The following DPP10 variants were observed in gnomAD, a reference collection of about 807,000 sequenced individuals.
The protein encoded by DPP10 is inactive dipeptidyl peptidase 10.
Under a neutral mutation model 120.9 loss-of-function variants are expected in DPP10, and 33 were observed. That is an observed-to-expected ratio of 0.27 (90% CI 0.21 to 0.37). DPP10 has a LOEUF of 0.37. Among genes scored for constraint, DPP10 ranks in the 10% least tolerant of loss-of-function variants. The pLI, the probability that DPP10 is intolerant of heterozygous loss-of-function variation, is 1.00. For synonymous variants in DPP10, 337 were observed against 326.1 expected, an observed-to-expected ratio of 1.03 and a Z score of -0.36; for missense variants, 816 against 942.8, an observed-to-expected ratio of 0.87 and a Z score of 1.76.
At chr2:115,568,436 T>G (rs1017417722) in intron 5 of DPP10, among the ~76,000 whole-genome samples, 1 of 152,054 alleles carries the variant, frequency 6.6e-6, no homozygotes, top group Non-Finnish European at 1.5e-5. Context: ...TGAGCCAAGA[T>G]TGCGCCACTG....
chr2:115,649,384 C>T (rs1388018322), intron 5 of DPP10, among the ~76,000 whole-genome samples: 15 of 152,048 alleles, frequency 9.9e-5, no homozygotes, highest in East Asian at 1.9e-4. Context: ...ACATTAAACT[C>T]GTGAAATATA....
chr2:115,441,817 C>CTTTTTTTTTTTTTT (rs561102084), intron 3 of DPP10, among the ~76,000 whole-genome samples: 3 of 124,478 alleles, frequency 2.4e-5, no homozygotes, highest in African/African-American at 3.2e-5. Context: ...TTCTTTCTTT[C>CTTTTTTTTTTTTTT]TTTTTTTTTT....
At chr2:114,854,278 G>A (rs966162146) in intron 1 of DPP10, among the ~76,000 whole-genome samples, 1 of 152,130 alleles carries the variant, frequency 6.6e-6, no homozygotes, top group African/African-American at 2.4e-5. Flanking sequence ...TGTCAATAAT[G>A]TTAGATTTTA....
intron 1 of DPP10, among the ~76,000 whole-genome samples, chr2:114,566,986 C>G (rs1381969956): frequency 6.6e-6 from 1 of 152,168 alleles, no homozygotes; most frequent in African/African-American, 2.4e-5. Flanking sequence ...AACGTTGGTT[C>G]ATTACAGCAC....
At chr2:115,813,392 T>A (rs890222445) in intron 19 of DPP10, among the ~76,000 whole-genome samples, 3 of 152,186 alleles carry the variant, frequency 2.0e-5, no homozygotes, top group African/African-American at 7.2e-5. Flanking sequence ...GTAGTCCCAC[T>A]GTAACTGTGC....
At chr2:114,946,498 A>G (rs966445) in intron 1 of DPP10, among the ~76,000 whole-genome samples, 151,328 of 152,200 alleles carry the variant, frequency 0.99, 75,237 homozygotes, top group Non-Finnish European at 1. Flanking sequence ...AATTAAAACT[A>G]AAAATAAAAT....
At chr2:115,345,523 GTAT>G (rs1246706252) in intron 3 of DPP10, among the ~76,000 whole-genome samples, 2 of 152,062 alleles carry the variant, frequency 1.3e-5, no homozygotes, top group East Asian at 3.9e-4. Context: ...TTAAACAGTA[GTAT>G]TATGAGTTGT....
intron 1 of DPP10, among the ~76,000 whole-genome samples, chr2:114,692,921 A>G (rs1407919781): frequency 6.6e-6 from 1 of 151,582 alleles, no homozygotes; most frequent in Non-Finnish European, 1.5e-5. Context: ...TCTGATTTCT[A>G]TTTGCTTGGT....
chr2:115,220,583 A>G (rs1648886024), intron 1 of DPP10, among the ~76,000 whole-genome samples: 1 of 152,132 alleles, frequency 6.6e-6, no homozygotes, highest in Admixed American at 6.6e-5. Flanking sequence ...AAATAAATTC[A>G]GAAAAAATTG....
At chr2:115,145,854 T>C (rs968674799) in intron 1 of DPP10, among the ~76,000 whole-genome samples, 1 of 152,180 alleles carries the variant, frequency 6.6e-6, no homozygotes, top group Non-Finnish European at 1.5e-5. Context: ...ACCAGATATG[T>C]AGTTGTATCT....
intron 1 of DPP10, among the ~76,000 whole-genome samples, chr2:114,588,741 A>C (rs1691205289): frequency 6.6e-6 from 1 of 152,198 alleles, no homozygotes; most frequent in African/African-American, 2.4e-5. Flanking sequence ...ATTCCATTTC[A>C]GCCGAACATC....
chr2:115,171,256 G>A (rs2053302027), intron 1 of DPP10, among the ~76,000 whole-genome samples: 1 of 151,568 alleles, frequency 6.6e-6, no homozygotes, highest in Non-Finnish European at 1.5e-5. Context: ...AGCGACTCAG[G>A]AGGCTGAGGC....
At chr2:115,789,566 A>G (rs1431520436) in intron 17 of DPP10, among the ~76,000 whole-genome samples, 1 of 152,240 alleles carries the variant, frequency 6.6e-6, no homozygotes, top group African/African-American at 2.4e-5. Context: ...GGGAAAGTCA[A>G]GAATATTTGT....
Position 115,703,467 on chromosome 2 carries a change from A to C in DPP10, c.576+13546A>C, listed in dbSNP as rs1039649945. Among the ~76,000 whole-genome samples the C allele has an allele frequency of 3.3e-5, 5 of 152,042 alleles. No individual in the cohort carries two copies. The East Asian group carries it at 7.7e-4, about 23-fold the overall frequency. On this transcript the variant is annotated intron_variant, in intron 7 of 25. Coordinates refer to ENST00000410059, the MANE Select transcript of DPP10 (RefSeq NM_020868.6). ...CAACTGTGAGGGCTGACAAGTTTGA[A>C]GTCTATGGAGCAGACCAGCAGGCTG...
chr2:114,590,561 A>G (rs972059010), intron 1 of DPP10, among the ~76,000 whole-genome samples: 1 of 152,236 alleles, frequency 6.6e-6, no homozygotes, highest in African/African-American at 2.4e-5. Context: ...TACTAACAAT[A>G]TAACAGTAAT....
chr2:115,322,446 G>A (rs755471070), intron 2 of DPP10, among the ~76,000 whole-genome samples: 5 of 151,802 alleles, frequency 3.3e-5, no homozygotes, highest in Non-Finnish European at 7.4e-5. Flanking sequence ...AAACAGAGAG[G>A]GTAAAATACC....
intron 1 of DPP10, among the ~76,000 whole-genome samples, chr2:114,482,116 A>G (rs1681111667): frequency 6.6e-6 from 1 of 152,110 alleles, no homozygotes; most frequent in Non-Finnish European, 1.5e-5. Context: ...CCCTTCCTCA[A>G]TATGTGGAGA....
At position 115,207,168 on chromosome 2, in the gene DPP10, A is replaced by T. The variant is rs1373864607; in HGVS notation, c.61-102071A>T. On this transcript the variant is annotated intron_variant, in intron 1 of 25. Coordinates refer to ENST00000410059, the MANE Select transcript of DPP10 (RefSeq NM_020868.6). ...CTGTTGAAGCAGCAACTTTCAAATG[A>T]TTTTGCAGATCGGCAAACACATTAT... Among the ~76,000 whole-genome samples the T allele has an allele frequency of 3.3e-5, 5 of 152,114 alleles. No homozygotes were observed. The East Asian group carries it at 9.7e-4, about 29-fold the overall frequency.
At chr2:114,461,198 A>C (rs1678891988) in intron 1 of DPP10, among the ~76,000 whole-genome samples, 1 of 152,168 alleles carries the variant, frequency 6.6e-6, no homozygotes, top group South Asian at 2.1e-4. Context: ...TTAGCATTTG[A>C]GTTCCATATG....
Sources: gnomAD v4.1 joint callset for allele counts (sites outside exome capture counted in the v4.1 genomes callset) on GRCh38, gnomAD v4.1.1 for gene constraint, MANE v1.5 for transcripts, NCBI Gene and HGNC (gene_info 2026-07-23, HGNC 2026-07-21) for gene names.